SAMD12: variants seen among roughly 807,000 people sequenced by gnomAD.
SAMD12 encodes sterile alpha motif domain containing 12.
SAMD12 carries 9 observed loss-of-function variants against 15.0 expected under a neutral mutation model. That is an observed-to-expected ratio of 0.60 (90% CI 0.36 to 1.05). The LOEUF is 1.05. SAMD12 is among the 50% of genes least tolerant of loss of function. SAMD12 has a pLI of 0.01. For synonymous variants in SAMD12, 86 were observed against 90.1 expected (o/e 0.96, Z 0.25); for missense variants, 230 against 234.2 (o/e 0.98, Z 0.12).
intron 4 of SAMD12, among the ~76,000 whole-genome samples, chr8:118,283,965 C>G (rs1195003240): frequency 1.3e-5 from 2 of 152,036 alleles, no homozygotes; most frequent in African/African-American, 4.8e-5. Context: ...CCTCTGGCAC[C>G]CTAGAATAAA....
intron 4 of SAMD12, among the ~76,000 whole-genome samples, chr8:118,279,717 A>G (rs773169960): frequency 9.8e-5 from 15 of 152,346 alleles, no homozygotes; most frequent in Non-Finnish European, 1.9e-4. Flanking sequence ...ATGAGTGAGA[A>G]GTCTATTTTC....
intron 2 of SAMD12, among the ~76,000 whole-genome samples, chr8:118,499,128 A>G: frequency 6.6e-6 from 1 of 152,208 alleles, no homozygotes. Flanking sequence ...TCAATTTATC[A>G]TAGTCACTTG....
chr8:118,256,822 G>GCA (rs1315951746), intron 4 of SAMD12, among the ~76,000 whole-genome samples: 1,020 of 85,836 alleles, frequency 0.012, 6 homozygotes, highest in Non-Finnish European at 0.016. Flanking sequence ...ACACACACAC[G>GCA]CACACATTCT....
At chr8:118,153,862 C>T in the SAMD12 span, among the ~76,000 whole-genome samples, 1 of 152,102 alleles carries the variant, frequency 6.6e-6, no homozygotes, top group African/African-American at 2.4e-5. Flanking sequence ...CTGAGCTTCA[C>T]CCTTAATTCC....
chr8:118,556,316 C>T lies in SAMD12; in HGVS notation c.192+24399G>A, dbSNP rs181818641. On this transcript the variant is annotated intron_variant, in intron 2 of 3. Transcript: ENST00000314727. ...TAGAACTGAAAATGCCACCCCTATA[C>T]TCTCAGCATGGTCTTCTAGAATTGC... Among the ~76,000 whole-genome samples the T allele has an allele frequency of 2.0e-5, 3 of 152,306 alleles. No homozygotes were observed. The East Asian group carries it at 5.8e-4, about 29-fold the overall frequency.
chr8:118,344,632 T>C (rs1487435507), intron 4 of SAMD12, among the ~76,000 whole-genome samples: 1 of 152,150 alleles, frequency 6.6e-6, no homozygotes, highest in Non-Finnish European at 1.5e-5. Context: ...TCATGTAGAA[T>C]AGCACTAGCA....
At chr8:118,428,577 G>T (rs542588208) in intron 3 of SAMD12, among the ~76,000 whole-genome samples, 3 of 151,842 alleles carry the variant, frequency 2.0e-5, no homozygotes, top group African/African-American at 4.8e-5. Flanking sequence ...TTAAATTTAG[G>T]TCCATTATTT....
intron 2 of SAMD12, 57 bp from the exon 3 acceptor site, chr8:118,440,018 T>G: frequency 8.3e-6 from 13 of 1,573,624 alleles, no homozygotes; most frequent in Non-Finnish European, 1.0e-5. Context: ...GAAGACACTA[T>G]AGTTAAAAGT....
chr8:118,484,237 T>C (rs1385760640), intron 2 of SAMD12, among the ~76,000 whole-genome samples: 1 of 152,198 alleles, frequency 6.6e-6, no homozygotes, highest in Non-Finnish European at 1.5e-5. Context: ...GTAACCGATC[T>C]ATGATATTCT....
chr8:118,155,815 T>C, the SAMD12 span, among the ~76,000 whole-genome samples: 58 of 152,234 alleles, frequency 3.8e-4, 1 homozygote, highest in Non-Finnish European at 1.3e-4. Context: ...GCAGTATCCA[T>C]GCACACGGAG....
intron 4 of SAMD12, among the ~76,000 whole-genome samples, chr8:118,331,194 A>T (rs993242009): frequency 6.6e-6 from 1 of 152,194 alleles, no homozygotes; most frequent in African/African-American, 2.4e-5. Context: ...AAGGCAAGTG[A>T]AAGTGATCAA....
chr8:118,311,053 T>A (rs1815605507), intron 4 of SAMD12, among the ~76,000 whole-genome samples: 1 of 152,238 alleles, frequency 6.6e-6, no homozygotes, highest in Non-Finnish European at 1.5e-5. Flanking sequence ...ACAACAGCTC[T>A]ATGAAGTCAG....
At chr8:118,133,017 T>C in the SAMD12 span, among the ~76,000 whole-genome samples, 1 of 114,586 alleles carries the variant, frequency 8.7e-6, no homozygotes, top group Non-Finnish European at 1.9e-5. Context: ...TATATATATA[T>C]ATATATATAT....
intron 4 of SAMD12, among the ~76,000 whole-genome samples, chr8:118,272,484 T>C (rs1042992743): frequency 2.6e-5 from 4 of 152,350 alleles, no homozygotes; most frequent in Non-Finnish European, 5.9e-5. Flanking sequence ...GTCTGGGTGA[T>C]TAACATTTGG....
At chr8:118,489,453 T>G (rs1288932662) in intron 2 of SAMD12, among the ~76,000 whole-genome samples, 2 of 152,192 alleles carry the variant, frequency 1.3e-5, no homozygotes, top group East Asian at 3.9e-4. Flanking sequence ...ACTTTAAAAA[T>G]ATTCTAGTAG....
chr8:118,541,832 G>C (rs1256368241), intron 2 of SAMD12, among the ~76,000 whole-genome samples: 1 of 152,162 alleles, frequency 6.6e-6, no homozygotes, highest in South Asian at 2.1e-4. Flanking sequence ...AACTCATGTT[G>C]ACTTTGAGTA....
At chr8:118,561,316 A>G (rs1249393305) in intron 2 of SAMD12, among the ~76,000 whole-genome samples, 1 of 152,238 alleles carries the variant, frequency 6.6e-6, no homozygotes, top group East Asian at 1.9e-4. Flanking sequence ...TTTTATCTGC[A>G]TTGATCTTCT....
At chr8:118,536,071 T>A (rs1306964438) in intron 2 of SAMD12, among the ~76,000 whole-genome samples, 1 of 152,226 alleles carries the variant, frequency 6.6e-6, no homozygotes, top group Non-Finnish European at 1.5e-5. Flanking sequence ...GAGCTGTTCC[T>A]ATTCGGCCAT....
At chr8:118,350,078 G>C (rs1370875377) in intron 4 of SAMD12, among the ~76,000 whole-genome samples, 2 of 152,172 alleles carry the variant, frequency 1.3e-5, no homozygotes, top group African/African-American at 4.8e-5. Context: ...CAAGTGAGCT[G>C]TTACTCAGCC....
Sources: gnomAD v4.1 joint callset for allele counts (sites outside exome capture counted in the v4.1 genomes callset) on GRCh38, gnomAD v4.1.1 for gene constraint, MANE v1.5 for transcripts, NCBI Gene and HGNC (gene_info 2026-07-23, HGNC 2026-07-21) for gene names.